The following RBMS3 variants were observed in gnomAD, a reference collection of about 807,000 sequenced individuals.
The protein encoded by RBMS3 is RNA binding motif single stranded interacting protein 3, also known as RNA-binding motif, single-stranded-interacting protein 3.
In RBMS3, 27 loss-of-function variants were observed where a neutral mutation model predicts 66.8. The observed-to-expected ratio is 0.40, with a 90% CI of 0.30 to 0.56. The LOEUF is 0.56. Among genes scored for constraint, RBMS3 ranks in the 20% least tolerant of loss-of-function variants. The pLI, the probability that RBMS3 is intolerant of heterozygous loss-of-function variation, is 0.40. For synonymous variants in RBMS3, 188 were observed against 183.0 expected (o/e 1.03, Z -0.22); for missense variants, 513 against 549.5 (o/e 0.93, Z 0.66).
intron 4 of RBMS3, among the ~76,000 whole-genome samples, chr3:29,634,676 T>C (rs971700759): frequency 1.3e-5 from 2 of 151,828 alleles, no homozygotes; most frequent in African/African-American, 4.8e-5. Context: ...CATCTAGGTG[T>C]TTCCTAGAAT....
At chr3:29,468,936 A>AAC (rs1316162520) in intron 2 of RBMS3, among the ~76,000 whole-genome samples, 2 of 152,108 alleles carry the variant, frequency 1.3e-5, no homozygotes, top group Admixed American at 1.3e-4. Context: ...ATTATAACCA[A>AAC]ACACACACAC....
chr3:29,715,736 T>A (rs2053365802), intron 4 of RBMS3, among the ~76,000 whole-genome samples: 1 of 152,176 alleles, frequency 6.6e-6, no homozygotes, highest in African/African-American at 2.4e-5. Context: ...GGTAAAAGCA[T>A]AGAGCCTATT....
intron 6 of RBMS3, among the ~76,000 whole-genome samples, chr3:29,790,531 T>C (rs1388026750): frequency 6.6e-6 from 1 of 152,190 alleles, no homozygotes; most frequent in Non-Finnish European, 1.5e-5. Context: ...GATGGTTTTC[T>C]GTGAATATCA....
chr3:29,666,519 G>A (rs2149238885), intron 4 of RBMS3, among the ~76,000 whole-genome samples: 1 of 152,132 alleles, frequency 6.6e-6, no homozygotes, highest in Admixed American at 6.6e-5. Flanking sequence ...GTGTACTTTT[G>A]GGTTCCAGAA....
intron 8 of RBMS3, among the ~76,000 whole-genome samples, chr3:29,889,723 G>C (rs1384598712): frequency 6.6e-6 from 1 of 151,576 alleles, no homozygotes; most frequent in Non-Finnish European, 1.5e-5. Flanking sequence ...TTCCCTGCTA[G>C]AATATAACTC....
At chr3:29,802,290 A>G (rs1368261142) in intron 6 of RBMS3, among the ~76,000 whole-genome samples, 1 of 152,168 alleles carries the variant, frequency 6.6e-6, no homozygotes, top group Admixed American at 6.6e-5. Context: ...AGTCAATACC[A>G]CCAACCACAG....
At chr3:29,473,382 C>G (rs1420239403) in intron 2 of RBMS3, among the ~76,000 whole-genome samples, 1 of 152,252 alleles carries the variant, frequency 6.6e-6, no homozygotes, top group Admixed American at 6.5e-5. Flanking sequence ...TTCACAAACC[C>G]TTAGCTAGAC....
At chr3:29,452,256 A>G (rs1474674649) in intron 2 of RBMS3, among the ~76,000 whole-genome samples, 1 of 152,190 alleles carries the variant, frequency 6.6e-6, no homozygotes, top group South Asian at 2.1e-4. Context: ...ATTTTCAACA[A>G]TCCTCAGGGT....
intron 3 of RBMS3, among the ~76,000 whole-genome samples, chr3:29,490,522 T>C (rs1390924371): frequency 6.6e-6 from 1 of 151,944 alleles, no homozygotes; most frequent in African/African-American, 2.4e-5. Flanking sequence ...CCAGAAGTAG[T>C]AGTAGTAGGT....
intron 4 of RBMS3, among the ~76,000 whole-genome samples, chr3:29,600,942 G>C (rs1017992610): frequency 1.3e-5 from 2 of 151,878 alleles, no homozygotes; most frequent in African/African-American, 2.4e-5. Flanking sequence ...GATAATAAAT[G>C]TGATCTATAA....
At chr3:29,308,249 A>G (rs2034136651) in intron 1 of RBMS3, among the ~76,000 whole-genome samples, 1 of 151,862 alleles carries the variant, frequency 6.6e-6, no homozygotes, top group African/African-American at 2.4e-5. Context: ...GTTTGAATTC[A>G]TGGTGGCTTT....
At chr3:29,962,568 A>ATATATATATATATATAT (rs199824648) in intron 12 of RBMS3, among the ~76,000 whole-genome samples, 21 of 149,484 alleles carry the variant, frequency 1.4e-4, no homozygotes, top group South Asian at 8.5e-4. Context: ...ATATATATAT[A>ATATATATATATATATAT]ATACCATACC....
At chr3:29,658,316 T>C (rs1461901426) in intron 4 of RBMS3, among the ~76,000 whole-genome samples, 1 of 152,184 alleles carries the variant, frequency 6.6e-6, no homozygotes, top group Non-Finnish European at 1.5e-5. Flanking sequence ...TCTCAAAATT[T>C]TGTGGGCATA....
chr3:29,981,919 C>T (rs116022696), intron 12 of RBMS3, among the ~76,000 whole-genome samples: 7,115 of 152,184 alleles, frequency 0.047, 552 homozygotes, highest in African/African-American at 0.16. Context: ...GTTTTGGTAT[C>T]GGGGTGATGC....
intron 10 of RBMS3, among the ~76,000 whole-genome samples, chr3:29,919,580 A>G (rs1431591022): frequency 6.6e-6 from 1 of 152,184 alleles, no homozygotes; most frequent in African/African-American, 2.4e-5. Flanking sequence ...TTTCAGTGTA[A>G]ATCCCTGTCT....
chr3:29,669,564 A>C (rs1374436606), intron 4 of RBMS3, among the ~76,000 whole-genome samples: 2 of 152,212 alleles, frequency 1.3e-5, no homozygotes, highest in African/African-American at 4.8e-5. Context: ...TAAGATCCGC[A>C]AAATGAAGTC....
rs146304074 is a variant in RBMS3, at chr3:29,315,908, G to A, written c.75+34152G>A. 1.1e-4 allele frequency among the ~76,000 whole-genome samples: 16 copies of A among 151,718 alleles called. No individual in the cohort carries two copies. The East Asian group carries it at 2.9e-3, about 28-fold the overall frequency. On this transcript the variant is annotated intron_variant, in intron 1 of 14. Coordinates refer to ENST00000383767, the MANE Select transcript of RBMS3 (RefSeq NM_001003793.3). ...ACTTTCCCACAAACAACATATGAGA[G>A]TCCTTCAGGTTTTGTTATTGTTCTT...
intron 10 of RBMS3, among the ~76,000 whole-genome samples, chr3:29,919,996 G>A (rs893131372): frequency 1.3e-5 from 2 of 152,114 alleles, no homozygotes; most frequent in Non-Finnish European, 1.5e-5. Context: ...AGAAAAGCCA[G>A]TTGTTCCCTT....
intron 10 of RBMS3, among the ~76,000 whole-genome samples, chr3:29,906,536 A>G (rs1365978346): frequency 6.6e-6 from 1 of 152,162 alleles, no homozygotes; most frequent in East Asian, 1.9e-4. Context: ...GTTTTGTAAC[A>G]CATGAAATAA....
Sources: gnomAD v4.1 joint callset for allele counts (sites outside exome capture counted in the v4.1 genomes callset) on GRCh38, gnomAD v4.1.1 for gene constraint, MANE v1.5 for transcripts, NCBI Gene and HGNC (gene_info 2026-07-23, HGNC 2026-07-21) for gene names.